Variants in NALF1 observed in about 807,000 individuals in gnomAD.
NALF1 encodes the protein NALCN channel auxiliary factor 1, also known as family with sequence similarity 155 member A.
In NALF1, 3 loss-of-function variants were observed where a neutral mutation model predicts 48.4. The ratio of observed to expected loss-of-function variants is 0.06; its 90% CI spans 0.03 to 0.16. NALF1 has a LOEUF of 0.16. Ranked by LOEUF, NALF1 falls within the 10% of genes least tolerant of loss-of-function variation. The probability of loss-of-function intolerance (pLI) is 1.00; values close to 1 mark genes in which losing one functional copy is unlikely to be tolerated. For missense variants in NALF1, 526 were observed against 571.5 expected, an observed-to-expected ratio of 0.92 and a Z score of 0.81; for synonymous variants, 262 against 245.7, an observed-to-expected ratio of 1.07 and a Z score of -0.62.
intron 1 of NALF1, among the ~76,000 whole-genome samples, chr13:107,804,770 T>C (rs1169644978): frequency 6.6e-6 from 1 of 152,170 alleles, no homozygotes; most frequent in East Asian, 1.9e-4. Flanking sequence ...CACTGAAAGA[T>C]TGTGGTGTAA....
At chr13:107,465,454 C>T (rs1884986786) in intron 1 of NALF1, among the ~76,000 whole-genome samples, 1 of 152,014 alleles carries the variant, frequency 6.6e-6, no homozygotes, top group Non-Finnish European at 1.5e-5. Flanking sequence ...TAGCACCTGC[C>T]TGGGTCTCTG....
chr13:107,659,114 G>C (rs9587420), intron 1 of NALF1, among the ~76,000 whole-genome samples: 41 of 145,882 alleles, frequency 2.8e-4, no homozygotes, highest in East Asian at 8.8e-4. Flanking sequence ...CTGACACACA[G>C]ACACACACAC....
At chr13:107,568,044 C>T (rs1174436209) in intron 1 of NALF1, among the ~76,000 whole-genome samples, 3 of 152,158 alleles carry the variant, frequency 2.0e-5, no homozygotes, top group African/African-American at 4.8e-5. Context: ...GTGGTGTGAA[C>T]AGGGCTCACT....
chr13:107,429,123 G>GACC (rs1020345199), intron 1 of NALF1, among the ~76,000 whole-genome samples: 1 of 152,094 alleles, frequency 6.6e-6, no homozygotes, highest in Non-Finnish European at 1.5e-5. Flanking sequence ...AGGAGTTTGA[G>GACC]ACCAGCCTGG....
chr13:107,762,616 G>T (rs538748150), intron 1 of NALF1, among the ~76,000 whole-genome samples: 1 of 152,044 alleles, frequency 6.6e-6, no homozygotes, highest in Non-Finnish European at 1.5e-5. Context: ...TCAAACAGGA[G>T]AGGAGGAGTC....
chr13:107,685,665 G>C (rs1156382375), intron 1 of NALF1, among the ~76,000 whole-genome samples: 1 of 152,188 alleles, frequency 6.6e-6, no homozygotes, highest in Admixed American at 6.5e-5. Flanking sequence ...CTTGACCAAA[G>C]TTGAATTTTG....
chr13:107,845,117 G>C (rs1042821414), intron 1 of NALF1, among the ~76,000 whole-genome samples: 1 of 152,156 alleles, frequency 6.6e-6, no homozygotes, highest in Non-Finnish European at 1.5e-5. Flanking sequence ...GGAATATGGT[G>C]ATTTCATTTA....
chr13:107,258,532 TC>T (rs2138851707), intron 1 of NALF1, among the ~76,000 whole-genome samples: 1 of 152,190 alleles, frequency 6.6e-6, no homozygotes, highest in East Asian at 1.9e-4. Flanking sequence ...AAGCAAAAAG[TC>T]CCTTCCCCAG....
At chr13:107,735,426 T>G (rs1876438671) in intron 1 of NALF1, among the ~76,000 whole-genome samples, 1 of 152,214 alleles carries the variant, frequency 6.6e-6, no homozygotes, top group African/African-American at 2.4e-5. Context: ...GCAGCTTGCC[T>G]GTTTCGGCTG....
chr13:107,267,823 C>A (rs1031140818), intron 1 of NALF1, among the ~76,000 whole-genome samples: 2 of 152,118 alleles, frequency 1.3e-5, no homozygotes, highest in Non-Finnish European at 2.9e-5. Context: ...GATCTGATAA[C>A]CGCGATGGCT....
chr13:107,503,843 TAG>T (rs1875605559), intron 1 of NALF1, among the ~76,000 whole-genome samples: 2 of 149,520 alleles, frequency 1.3e-5, no homozygotes, highest in African/African-American at 4.9e-5. Context: ...GCCACAACAG[TAG>T]TAGACCTAGA....
At chr13:107,309,379 A>G (rs1014929794) in intron 1 of NALF1, among the ~76,000 whole-genome samples, 4 of 152,202 alleles carry the variant, frequency 2.6e-5, no homozygotes, top group African/African-American at 9.6e-5. Flanking sequence ...TTATGACCAA[A>G]ACTATTTCTG....
chr13:107,537,243 A>T (rs537514563), intron 1 of NALF1, among the ~76,000 whole-genome samples: 2,336 of 151,622 alleles, frequency 0.015, 72 homozygotes, highest in African/African-American at 0.054. Context: ...TAAAAAGTTA[A>T]AAAAAAAGGG....
At chr13:107,525,361 A>C (rs1876396663) in intron 1 of NALF1, among the ~76,000 whole-genome samples, 1 of 152,154 alleles carries the variant, frequency 6.6e-6, no homozygotes, top group Non-Finnish European at 1.5e-5. Context: ...AAGTGGAGTC[A>C]TGCAGTTTGT....
At chr13:107,443,216 CT>C (rs1884594565) in intron 1 of NALF1, among the ~76,000 whole-genome samples, 1 of 149,470 alleles carries the variant, frequency 6.7e-6, no homozygotes, top group Non-Finnish European at 1.5e-5. Flanking sequence ...ATCTATCTAT[CT>C]ATCGATATGT....
At chr13:107,577,529 T>A (rs1303903386) in intron 1 of NALF1, among the ~76,000 whole-genome samples, 2 of 152,188 alleles carry the variant, frequency 1.3e-5, no homozygotes, top group Non-Finnish European at 2.9e-5. Context: ...TAATCTGTGA[T>A]CCAGGAAAGG....
intron 1 of NALF1, among the ~76,000 whole-genome samples, chr13:107,833,314 CAT>C (rs1879796899): frequency 6.6e-6 from 1 of 152,210 alleles, no homozygotes. Flanking sequence ...ATTGAATACA[CAT>C]ATGAATACTA....
chr13:107,495,710 CT>C (rs2139073287), intron 1 of NALF1, among the ~76,000 whole-genome samples: 1 of 152,158 alleles, frequency 6.6e-6, no homozygotes, highest in South Asian at 2.1e-4. Flanking sequence ...AGAAGATAGC[CT>C]TTGTAGACAA....
At chr13:107,664,514 G>T (rs940592981) in intron 1 of NALF1, among the ~76,000 whole-genome samples, 4 of 152,076 alleles carry the variant, frequency 2.6e-5, no homozygotes, top group Non-Finnish European at 4.4e-5. Context: ...AACACCTATG[G>T]TGACGCCCTC....
Sources: allele counts gnomAD v4.1 joint callset (sites outside exome capture counted in the v4.1 genomes callset), GRCh38; gene constraint gnomAD v4.1.1; transcripts MANE v1.5; gene names NCBI Gene and HGNC (gene_info 2026-07-23, HGNC 2026-07-21).